Variants in ZNF875 observed in about 807,000 individuals in gnomAD.
ZNF875 encodes HKR1, GLI-Kruppel zinc finger family member.
In ZNF875, 14 loss-of-function variants were observed where a neutral mutation model predicts 11.2. That is an observed-to-expected ratio of 1.26 (90% CI 0.83 to 1.96). ZNF875 has a LOEUF of 1.96. Among genes scored for constraint, ZNF875 ranks in the 30% most tolerant of loss-of-function variants. The pLI is 0.00. For missense variants in ZNF875, 752 were observed against 760.4 expected (o/e 0.99, Z 0.13); for synonymous variants, 301 against 281.1 (o/e 1.07, Z -0.71).
chr19:37,325,305 C>A (rs925443959), intron 4 of ZNF875, among the ~76,000 whole-genome samples: 9 of 152,116 alleles, frequency 5.9e-5, no homozygotes, highest in South Asian at 2.1e-4. Flanking sequence ...TCGCTTCCCT[C>A]CATCCACCTC....
upstream of ZNF875, chr19:37,316,861 G>C (rs1321115014): frequency 7.1e-6 from 1 of 140,286 alleles, no homozygotes; most frequent in Non-Finnish European, 1.5e-5. Context: ...CGGAGGTTTC[G>C]TCATGTTGGC....
At chr19:37,357,894 A>G in intron 4 of ZNF875, 1 of 398,348 alleles carries the variant, frequency 2.5e-6, no homozygotes, top group Non-Finnish European at 4.4e-6. Flanking sequence ...TGCTTTCTCT[A>G]GGACTTCCAG....
intron 2 of ZNF875, among the ~76,000 whole-genome samples, chr19:37,343,165 C>T (rs1163511116): frequency 6.6e-6 from 1 of 151,742 alleles, no homozygotes; most frequent in Non-Finnish European, 1.5e-5. Flanking sequence ...AGTGAAACCC[C>T]GTCTCTACTA....
Position 37,347,178 on chromosome 19 carries a change from T to G in ZNF875, c.34-12T>G. 1 of 1,613,752 alleles carries G rather than the reference T, an allele frequency of 6.2e-7. No homozygotes were observed. Among genetic ancestry groups the G allele is most frequent in the Non-Finnish European group, 8.5e-7 (1 of 1,179,838 alleles). ...GGCTCCTGGGTGAGCAGAGGTGTGT[T>G]TTGTGTTAAAGGCGTTCGTGGCATT... On this transcript the variant is annotated splice_polypyrimidine_tract_variant and intron_variant, in intron 2 of 4. Transcript: ENST00000392153.
intron 4 of ZNF875, 184 bp from the exon 5 acceptor site, chr19:37,361,924 AC>A (rs2039994845): frequency 1.7e-5 from 8 of 468,582 alleles, no homozygotes; most frequent in South Asian, 5.3e-5. Flanking sequence ...AAAAAAAAAA[AC>A]AAAAAAACAA....
At chr19:37,331,791 C>T (rs1397937693), upstream of ZNF875, among the ~76,000 whole-genome samples, 27 of 131,302 alleles carry the variant, frequency 2.1e-4, no homozygotes, top group East Asian at 1.9e-3. Flanking sequence ...ACCTGACCGT[C>T]CCCCAGCCCG....
At chr19:37,335,372 T>C in intron 2 of ZNF875, 115 bp downstream of exon 2, 2 of 586,306 alleles carry the variant, frequency 3.4e-6, no homozygotes, top group South Asian at 3.8e-5. Context: ...GCCCTAGTCA[T>C]TCCTAGTCCA....
intron 3 of ZNF875, chr19:37,323,659 G>A (rs2031909219): frequency 6.6e-6 from 1 of 152,142 alleles, no homozygotes. Flanking sequence ...TGGTCAGGTG[G>A]ACAGTAGGGA....
rs113383966 is a variant in ZNF875, at chr19:37,362,680, C to T, written c.828C>T (p.His276=). ...MSVLIKNPRT[H]SGGKPYVCRE... ...TCCTCATCAAAAACCCAAGGACACA[C>T]TCTGGGGGAAAGCCTTATGTGTGCA... The change falls in exon 5 of 5, where the codon CAC becomes CAT. Residue 276 remains histidine, a synonymous_variant. Transcript: ENST00000392153. 1,850 of 1,613,134 alleles carry T rather than the reference C, an allele frequency of 1.1e-3. 16 individuals are homozygous for T. In the African/African-American group the frequency reaches 0.021, roughly 18 times the overall value.
At position 37,347,861 on chromosome 19, in the gene ZNF875, A is replaced by C. The variant is rs1347049836; in HGVS notation, c.245A>C (p.Asp82Ala). 7 of 1,597,690 alleles carry C rather than the reference A, an allele frequency of 4.4e-6. No homozygotes were observed. Among genetic ancestry groups the C allele is most frequent in the Non-Finnish European group, 6.0e-6 (7 of 1,165,186 alleles). ...PWREERKCPL[D>A]LCPESKPEIQ... ...AGAGAGGAGAGAAAATGTCCACTGGACCTCTGTCCAGGTGAGTGTTGAGTG... is the reference window on the plus strand; with the variant it reads ...AGAGAGGAGAGAAAATGTCCACTGGCCCTCTGTCCAGGTGAGTGTTGAGTG... The change falls in exon 4 of 5, where the codon GAC becomes GCC. Residue 82 changes from aspartate (D) to alanine (A), a missense_variant. Transcript: ENST00000392153.
At position 37,347,267 on chromosome 19, in the gene ZNF875, C is replaced by T; in HGVS notation, c.111C>T (p.Thr37=). The T allele has an allele frequency of 6.2e-7, 1 of 1,613,994 alleles. No individual in the cohort carries two copies. Among genetic ancestry groups the T allele is most frequent in the Non-Finnish European group, 8.5e-7 (1 of 1,179,880 alleles). The change falls in exon 3 of 5, where the codon ACC becomes ACT. Residue 37 remains threonine (T), a synonymous_variant. Coordinates refer to ENST00000392153, the MANE Select transcript of ZNF875 (RefSeq NM_001353803.2). ...GGTTGTTGAGCCCTGCTCAGAGGAC[C>T]CTGCACAGGGAGGTGATGCTGGAGA... ...EWRLLSPAQR[T]LHREVMLETY...
At chr19:37,313,007 C>G (rs1427117589), upstream of ZNF875, 3 of 152,232 alleles carry the variant, frequency 2.0e-5, no homozygotes, top group Non-Finnish European at 4.4e-5. Flanking sequence ...CCACAACCCA[C>G]TTGCACACCA....
At chr19:37,332,417 A>G (rs574433382), upstream of ZNF875, among the ~76,000 whole-genome samples, 6 of 152,106 alleles carry the variant, frequency 3.9e-5, no homozygotes, top group South Asian at 2.1e-4. Flanking sequence ...GGGTTTCGCA[A>G]TGTTGGCCAG....
intron 4 of ZNF875, among the ~76,000 whole-genome samples, chr19:37,357,595 G>C (rs1282880950): frequency 6.6e-6 from 1 of 152,096 alleles, no homozygotes; most frequent in Non-Finnish European, 1.5e-5. Context: ...TTGCATTCGT[G>C]TGGCTATTGT....
intron 2 of ZNF875, among the ~76,000 whole-genome samples, chr19:37,338,816 G>GA (rs2035059946): frequency 6.6e-6 from 1 of 152,104 alleles, no homozygotes; most frequent in African/African-American, 2.4e-5. Context: ...TTAATCACAT[G>GA]TTTCAGGAGC....
chr19:37,339,544 G>GTTTTTTT (rs572775539), intron 2 of ZNF875, among the ~76,000 whole-genome samples: 1 of 115,754 alleles, frequency 8.6e-6, no homozygotes, highest in African/African-American at 3.4e-5. Flanking sequence ...AACCCTGCCA[G>GTTTTTTT]TTTTTTTTTT....
chr19:37,334,670 C>T lies in ZNF875; in HGVS notation c.-169C>T, dbSNP rs555345557. ...AAACACTTCCGGTCGGTGGCCCAGG[C>T]GCGTTAAGCTGGTTGGGACCCGGGA... On this transcript the variant is annotated 5_prime_UTR_variant, in exon 1 of 5. Coordinates refer to ENST00000392153, the MANE Select transcript of ZNF875 (RefSeq NM_001353803.2). 7 of 455,894 alleles carry T rather than the reference C, an allele frequency of 1.5e-5. No homozygotes were observed. Among genetic ancestry groups the T allele is most frequent in the South Asian group, 1.1e-4 (7 of 64,566 alleles). 28.2% of individuals were successfully genotyped at this position (455,894 alleles called of 1,614,324 possible). A position where few individuals can be genotyped will look rare whatever the true frequency, so the allele number is the denominator to read the frequency against.
intron 4 of ZNF875, among the ~76,000 whole-genome samples, chr19:37,352,491 G>C (rs147907284): frequency 2.0e-5 from 3 of 151,996 alleles, no homozygotes; most frequent in Non-Finnish European, 4.4e-5. Context: ...TGATCCACCT[G>C]CCTCTGCCTC....
At chr19:37,344,758 G>A in intron 2 of ZNF875, 1 of 1,588,062 alleles carries the variant, frequency 6.3e-7, no homozygotes, top group Non-Finnish European at 8.6e-7. Context: ...AGTTGTTCCG[G>A]GGCTGGAGGA....
Sources: allele counts gnomAD v4.1 joint callset (sites outside exome capture counted in the v4.1 genomes callset), GRCh38; gene constraint gnomAD v4.1.1; transcripts MANE v1.5; gene names NCBI Gene and HGNC (gene_info 2026-07-23, HGNC 2026-07-21).